The following POLR1E variants were observed in gnomAD, a reference collection of about 807,000 sequenced individuals.
POLR1E encodes DNA-directed RNA polymerase I subunit RPA49.
POLR1E carries 37 observed loss-of-function variants against 50.9 expected under a neutral mutation model. The ratio of observed to expected loss-of-function variants is 0.73; its 90% confidence interval spans 0.56 to 0.96. The LOEUF is 0.96. POLR1E is among the 40% of genes least tolerant of loss of function. The pLI, the probability that POLR1E is intolerant of heterozygous loss-of-function variation, is 0.00. For missense variants in POLR1E, 426 were observed against 518.1 expected (o/e 0.82, Z 1.73); for synonymous variants, 166 against 191.6 (o/e 0.87, Z 1.10).
chr9:37,494,004 T>G (rs1050296626), intron 6 of POLR1E, among the ~76,000 whole-genome samples: 1 of 152,150 alleles, frequency 6.6e-6, no homozygotes, highest in Non-Finnish European at 1.5e-5. Flanking sequence ...GCCTCAGGTC[T>G]CTCCTTGTGC....
chr9:37,499,860 T>C (rs1564325971), intron 9 of POLR1E, among the ~76,000 whole-genome samples: 5 of 141,012 alleles, frequency 3.5e-5, no homozygotes, highest in South Asian at 2.3e-4. Context: ...TTTTTTTTTT[T>C]CTTTTTTTGA....
chr9:37,503,118 A>G lies in POLR1E; in HGVS notation c.1176A>G (p.Glu392=). ...RRVSVAAGSE[E]DHKLGTLSLP... The stretch of plus-strand genomic sequence containing the variant: ...TGTCTGTGGCCGCCGGCAGTGAAGA[A>G]GATCACAAGCTGGGCACCCTGTCCC... The change falls in exon 12 of 12, where the codon GAA becomes GAG. Residue 392 remains glutamate (E), a synonymous_variant. Transcript: ENST00000377798. 6.2e-7 allele frequency: 1 copy of G among 1,614,090 alleles called. No individual in the cohort carries two copies. The highest frequency in any genetic ancestry group is 1.1e-5 in the South Asian group (1 of 91,080).
intron 9 of POLR1E, among the ~76,000 whole-genome samples, chr9:37,500,037 G>A (rs1448109317): frequency 6.6e-6 from 1 of 151,798 alleles, no homozygotes; most frequent in Non-Finnish European, 1.5e-5. Flanking sequence ...TTTTAGTAGA[G>A]ACGGGGTTTC....
At chr9:37,502,882 G>A (rs1820914243) in intron 11 of POLR1E, among the ~76,000 whole-genome samples, 161 bp from the exon 12 acceptor site, 1 of 152,154 alleles carries the variant, frequency 6.6e-6, no homozygotes, top group Non-Finnish European at 1.5e-5. Context: ...CGGGTGAGGG[G>A]ACCTTGCCTG....
chr9:37,486,707 G>T lies in POLR1E; in HGVS notation c.81G>T (p.Gln27His), dbSNP rs1820584534. 3.1e-6 allele frequency: 5 copies of T among 1,614,216 alleles called. No homozygotes were observed. Among genetic ancestry groups the T allele is most frequent in the East Asian group, 2.2e-5 (1 of 44,880 alleles). ...TCTTGGGCTGCACTCTTACAGTCCA[G>T]TTCTCCAACGGGAAGCTACAGAGTC... ...PDGSQRAVLV[Q>H]FSNGKLQSPG... The change falls in exon 2 of 12, where the codon CAG (glutamine) becomes CAT (histidine). Residue 27 changes from glutamine (Q) to histidine (H), a missense_variant. By Grantham distance (24) the Gln-to-His change is conservative (BLOSUM62 0). Transcript: ENST00000377798.
rs746714999 is a variant in POLR1E at position 37,492,389 on chromosome 9, T to C, written c.344-268T>C. On this transcript the variant is annotated intron_variant, in intron 4 of 11. Transcript: ENST00000377798. ...AACTGACCTGGGGCAAGTAATTTCA[T>C]CTGTGGGCCTTCTGTTTTTTAATTT... is the stretch of plus-strand genomic sequence containing the variant. 6.4e-6 allele frequency: 7 copies of C among 1,086,684 alleles called. 1 individual carries two copies. In the South Asian group the frequency reaches 9.3e-5, roughly 14 times the overall value. 67.3% of individuals were successfully genotyped at this position (1,086,684 alleles called of 1,614,324 possible). A position where few individuals can be genotyped will look rare whatever the true frequency, so the allele number is the denominator to read the frequency against.
At chr9:37,489,201 C>T (rs1381583278) in intron 3 of POLR1E, 114 bp from the exon 4 acceptor site, 2 of 705,398 alleles carry the variant, frequency 2.8e-6, no homozygotes, top group Non-Finnish European at 4.4e-6. Flanking sequence ...TCATGCCACT[C>T]CACTCCAGCC....
chr9:37,495,357 G>T, intron 7 of POLR1E, 81 bp downstream of exon 7: 1 of 1,156,776 alleles, frequency 8.6e-7, no homozygotes, highest in Non-Finnish European at 1.3e-6. Flanking sequence ...TTCTCTGAGG[G>T]TGTCTGTGTT....
At chr9:37,487,069 C>T (rs1820590442) in intron 2 of POLR1E, among the ~76,000 whole-genome samples, 1 of 152,312 alleles carries the variant, frequency 6.6e-6, no homozygotes, top group Non-Finnish European at 1.5e-5. Context: ...CAGGCCTAGC[C>T]CCACTCAGAG....
At chr9:37,488,809 AT>A (rs1340769071) in intron 3 of POLR1E, among the ~76,000 whole-genome samples, 4 of 150,400 alleles carry the variant, frequency 2.7e-5, no homozygotes, top group African/African-American at 9.8e-5. Context: ...ATATCCTCCC[AT>A]CCCATCCTAT....
At chr9:37,491,799 C>A (rs1044192102) in intron 4 of POLR1E, among the ~76,000 whole-genome samples, 1 of 152,104 alleles carries the variant, frequency 6.6e-6, no homozygotes, top group Admixed American at 6.5e-5. Flanking sequence ...CTCTTGAGTC[C>A]GGACACCCAT....
chr9:37,490,425 G>A (rs10814551), intron 4 of POLR1E: 169,420 of 767,786 alleles, frequency 0.22, 19,809 homozygotes, highest in Admixed American at 0.33. Flanking sequence ...CACCTGTCAC[G>A]CCATGAATTC....
At chr9:37,502,614 A>C (rs1350795370) in intron 11 of POLR1E, among the ~76,000 whole-genome samples, 1 of 151,974 alleles carries the variant, frequency 6.6e-6, no homozygotes, top group Non-Finnish European at 1.5e-5. Context: ...CTCTGTCTGG[A>C]CTCTCTAGCA....
chr9:37,492,070 G>GGA (rs1158493148), intron 4 of POLR1E, among the ~76,000 whole-genome samples: 2 of 150,224 alleles, frequency 1.3e-5, no homozygotes, highest in Non-Finnish European at 3.0e-5. Flanking sequence ...CCAACCTTCT[G>GGA]GAGTAAGTAC....
At chr9:37,494,811 G>C (rs7860245) in intron 6 of POLR1E, among the ~76,000 whole-genome samples, 1 of 152,152 alleles carries the variant, frequency 6.6e-6, no homozygotes, top group African/African-American at 2.4e-5. Context: ...TGTGTGGCAA[G>C]TTTTTCTAGA....
intron 9 of POLR1E, among the ~76,000 whole-genome samples, chr9:37,499,012 C>T (rs1245767491): frequency 1.3e-5 from 2 of 152,144 alleles, no homozygotes; most frequent in Non-Finnish European, 2.9e-5. Flanking sequence ...GCTGCTGTTC[C>T]TAGGCTGCAA....
Position 37,492,660 on chromosome 9 carries a change from TA to T in POLR1E, c.348del (p.Ser117GlnfsTer8). 6.2e-7 allele frequency: 1 copy of T among 1,613,972 alleles called. No homozygotes were observed. Among genetic ancestry groups the T allele is most frequent in the Non-Finnish European group, 8.5e-7 (1 of 1,179,850 alleles). On this transcript the variant is annotated frameshift_variant, in exon 5 of 12. Transcript: ENST00000377798. LOFTEE classifies it high-confidence loss of function. ...CTGTTTTTGTGTGTTTTGATAGATG[TA>T]TCAGTTGAGAGTGAACTGGCGCTAG... is the stretch of plus-strand genomic sequence containing the variant. ...LFNMQPLFSD[V>X]SVESELALES...
intron 4 of POLR1E, among the ~76,000 whole-genome samples, chr9:37,491,527 A>T (rs1011396514): frequency 6.6e-6 from 1 of 150,808 alleles, no homozygotes; most frequent in Non-Finnish European, 1.5e-5. Flanking sequence ...GTAGTGGTGC[A>T]ATCTGGGCTC....
chr9:37,486,675 A>T (rs763154115), intron 1 of POLR1E, 28 bp from the exon 2 acceptor site: 1 of 1,614,154 alleles, frequency 6.2e-7, no homozygotes, highest in Admixed American at 1.7e-5. Context: ...TTCTGCTCTC[A>T]TCTCATTCTT....
Sources: allele counts gnomAD v4.1 joint callset (sites outside exome capture counted in the v4.1 genomes callset), GRCh38; gene constraint gnomAD v4.1.1; transcripts MANE v1.5; gene names NCBI Gene and HGNC (gene_info 2026-07-23, HGNC 2026-07-21).